The following TMEM132E variants were observed in gnomAD, a reference collection of about 807,000 sequenced individuals.
TMEM132E encodes transmembrane protein 132E.
In TMEM132E, 49 loss-of-function variants were observed where a neutral mutation model predicts 78.5. That is an observed-to-expected ratio of 0.62 (90% CI 0.50 to 0.79). The LOEUF is 0.79. Among genes scored for constraint, TMEM132E ranks in the 30% least tolerant of loss-of-function variants. The probability of loss-of-function intolerance (pLI) is 0.00; values close to 1 mark genes in which losing one functional copy is unlikely to be tolerated. For synonymous variants in TMEM132E, 715 were observed against 670.6 expected, an observed-to-expected ratio of 1.07 and a Z score of -1.02; for missense variants, 1,403 against 1,470.9, an observed-to-expected ratio of 0.95 and a Z score of 0.75.
Position 34,580,887 on chromosome 17 carries a change from G to C in TMEM132E, c.-190G>C. ...AGCTGCGCCCCCACCGGCTCCGAGG[G>C]TGTAGCCGCCAGCGCCTGGGACGCC... On this transcript the variant is annotated 5_prime_UTR_variant, in exon 1 of 9. Coordinates refer to ENST00000631683, the MANE Select transcript of TMEM132E (RefSeq NM_001304438.2). 2.1e-6 allele frequency: 1 copy of C among 467,924 alleles called. No individual in the cohort carries two copies. The highest frequency in any genetic ancestry group is 3.8e-6 in the Non-Finnish European group (1 of 264,350). The allele number at this position is 467,924 out of a possible 1,614,324, so 29.0% of individuals were successfully genotyped here.
intron 1 of TMEM132E, among the ~76,000 whole-genome samples, chr17:34,585,626 T>A (rs60628876): frequency 0.09 from 13,692 of 152,240 alleles, 710 homozygotes; most frequent in South Asian, 0.23. Context: ...CAAATGGGGC[T>A]GTCTGCCCCA....
intron 1 of TMEM132E, among the ~76,000 whole-genome samples, chr17:34,607,343 G>A (rs892187509): frequency 6.6e-6 from 1 of 152,226 alleles, no homozygotes; most frequent in Non-Finnish European, 1.5e-5. Context: ...ACGTGCTCAG[G>A]CAGAGAAGGA....
intron 1 of TMEM132E, among the ~76,000 whole-genome samples, chr17:34,623,670 G>A (rs1052511480): frequency 6.6e-6 from 1 of 152,216 alleles, no homozygotes; most frequent in Admixed American, 6.5e-5. Flanking sequence ...CAACTTTAGA[G>A]GTGGAAATGG....
intron 1 of TMEM132E, among the ~76,000 whole-genome samples, chr17:34,591,615 T>G (rs72817882): frequency 0.014 from 2,126 of 152,338 alleles, 24 homozygotes; most frequent in Non-Finnish European, 0.021. Context: ...CCAGGCTTCC[T>G]CACTATTTTT....
chr17:34,626,069 G>T, intron 1 of TMEM132E, 58 bp from the exon 2 acceptor site: 10 of 1,413,214 alleles, frequency 7.1e-6, no homozygotes, highest in Non-Finnish European at 9.3e-6. Context: ...GGGCACCCTG[G>T]GGTCCCAGCG....
chr17:34,628,708 A>C lies in TMEM132E; in HGVS notation c.1144A>C (p.Arg382=). The C allele has an allele frequency of 6.3e-7, 1 of 1,590,150 alleles. No homozygotes were observed. Among genetic ancestry groups the C allele is most frequent in the South Asian group, 1.1e-5 (1 of 88,720 alleles). ...AWAQSTPLPP[R]EGQGPLEILQ... ...GGCTCAGAGCACACCCCTGCCCCCC[A>C]GGTGAGCCCGAGGTGGTGCATCTAC... is the stretch of plus-strand genomic sequence containing the variant. The change falls in exon 3 of 9, where the codon AGG becomes CGG. Residue 382 remains arginine (R), a splice_region_variant and synonymous_variant. Transcript: ENST00000631683.
chr17:34,637,474 G>A lies in TMEM132E; in HGVS notation c.2467G>A (p.Asp823Asn). The A allele has an allele frequency of 6.2e-7, 1 of 1,612,046 alleles. No individual in the cohort carries two copies. Among genetic ancestry groups the A allele is most frequent in the Non-Finnish European group, 8.5e-7 (1 of 1,179,628 alleles). The change falls in exon 9 of 9, where the codon GAC becomes AAC. Residue 823 changes from aspartate to asparagine, a missense_variant. Asp to Asn is a conservative substitution (Grantham distance 23, BLOSUM62 1). Around this residue, in one of 3 missense-constraint regions of TMEM132E, gnomAD observed 888 missense variants for 952.8 expected, o/e 0.93. Coordinates refer to ENST00000631683, the MANE Select transcript of TMEM132E (RefSeq NM_001304438.2). ...GAGGGACGAGGAGGACCCCACTTAT[G>A]ACTACCCGGGCCCCAGCCAACCAGG... is the stretch of plus-strand genomic sequence containing the variant. ...FGRDEEDPTY[D>N]YPGPSQPGPG...
At chr17:34,615,030 C>T (rs1356981957) in intron 1 of TMEM132E, among the ~76,000 whole-genome samples, 2 of 152,182 alleles carry the variant, frequency 1.3e-5, no homozygotes, top group Non-Finnish European at 2.9e-5. Flanking sequence ...CTCCAGGGGC[C>T]AGAGGAAGGT....
At chr17:34,619,573 G>T (rs996166824) in intron 1 of TMEM132E, among the ~76,000 whole-genome samples, 2 of 151,710 alleles carry the variant, frequency 1.3e-5, no homozygotes, top group Non-Finnish European at 2.9e-5. Context: ...CTGGGTACTT[G>T]TCACCATTAA....
Position 34,581,072 on chromosome 17 carries a change from C to T in TMEM132E, c.-5C>T. 6.5e-7 allele frequency: 1 copy of T among 1,548,514 alleles called. No homozygotes were observed. The highest frequency in any genetic ancestry group is 8.7e-7 in the Non-Finnish European group (1 of 1,154,492). ...TCTCGGACCCCTCCCGCCCCCGCCTCGGCCATGGCCCCGGGGATGTCGGGC... is the reference window on the plus strand; with the variant it reads ...TCTCGGACCCCTCCCGCCCCCGCCTTGGCCATGGCCCCGGGGATGTCGGGC... On this transcript the variant is annotated 5_prime_UTR_variant, in exon 1 of 9. Coordinates refer to ENST00000631683, the MANE Select transcript of TMEM132E (RefSeq NM_001304438.2).
chr17:34,637,187 T>C lies in TMEM132E; in HGVS notation c.2180T>C (p.Leu727Pro). 1 of 1,601,234 alleles carries C rather than the reference T, an allele frequency of 6.2e-7. No homozygotes were observed. Among genetic ancestry groups the C allele is most frequent in the Non-Finnish European group, 8.5e-7 (1 of 1,170,302 alleles). ...TLSFLKQEAL[L>P]SLWLSYSDGT... ...CTCCTTCTCCTCCAGGAAGCCCTAC[T>C]GAGCCTCTGGCTCTCCTACAGTGAT... The change falls in exon 9 of 9, where the codon CTG (leucine) becomes CCG (proline). Residue 727 changes from leucine (L) to proline (P), a missense_variant. Transcript: ENST00000631683.
intron 1 of TMEM132E, among the ~76,000 whole-genome samples, chr17:34,621,763 C>T (rs534586785): frequency 1.3e-5 from 2 of 152,206 alleles, no homozygotes; most frequent in South Asian, 2.1e-4. Context: ...ACCAGGCCCA[C>T]GGAATTGTTA....
intron 1 of TMEM132E, chr17:34,614,291 A>T (rs144023295): frequency 7.2e-5 from 11 of 152,312 alleles, no homozygotes; most frequent in African/African-American, 2.7e-4. Flanking sequence ...CCCTATTCCT[A>T]CATCCCTGAG....
At chr17:34,628,524 C>T in intron 2 of TMEM132E, 39 bp from the exon 3 acceptor site, 1 of 1,611,326 alleles carries the variant, frequency 6.2e-7, no homozygotes, top group South Asian at 1.1e-5. Context: ...TGGGCTGTAG[C>T]CTGACCCTCT....
intron 1 of TMEM132E, among the ~76,000 whole-genome samples, chr17:34,596,687 T>C (rs1367148146): frequency 2.0e-5 from 3 of 151,942 alleles, no homozygotes; most frequent in Non-Finnish European, 4.4e-5. Context: ...CCCTGATGTG[T>C]GGGACAGAAC....
chr17:34,589,763 A>T (rs376326909), intron 1 of TMEM132E, among the ~76,000 whole-genome samples: 1 of 152,286 alleles, frequency 6.6e-6, no homozygotes, highest in African/African-American at 2.4e-5. Context: ...CTGCCACCGC[A>T]TGACGGCTGC....
At chr17:34,594,455 C>T (rs888576695) in intron 1 of TMEM132E, among the ~76,000 whole-genome samples, 3 of 152,178 alleles carry the variant, frequency 2.0e-5, no homozygotes, top group South Asian at 2.1e-4. Context: ...TCCGTTTCCA[C>T]GTTTATAAAA....
rs147570260 is a variant in TMEM132E at position 34,637,307 on chromosome 17, G to A, written c.2300G>A (p.Arg767Gln). The change falls in exon 9 of 9, where the codon CGG becomes CAG. Residue 767 changes from arginine (R) to glutamine (Q), a missense_variant. Around this residue, in one of 3 missense-constraint regions of TMEM132E, gnomAD observed 888 missense variants for 952.8 expected, o/e 0.93. Coordinates refer to ENST00000631683, the MANE Select transcript of TMEM132E (RefSeq NM_001304438.2). Reference sequence around the variant, plus strand: ...CATGTGGCCACTGTGACCCAGGACCGGGCCTTCCCTCTGGTAGTGGCTGAG... The same window carrying A: ...CATGTGGCCACTGTGACCCAGGACCAGGCCTTCCCTCTGGTAGTGGCTGAG... Reference protein sequence around the residue: ...DEHVATVTQDRAFPLVVAEAE... With the variant: ...DEHVATVTQDQAFPLVVAEAE... 287 of 1,614,154 alleles carry A rather than the reference G, an allele frequency of 1.8e-4. 1 individual carries two copies. The African/African-American group carries it at 3.5e-3, about 20-fold the overall frequency.
At chr17:34,586,272 A>G (rs987997422) in intron 1 of TMEM132E, among the ~76,000 whole-genome samples, 2 of 144,648 alleles carry the variant, frequency 1.4e-5, no homozygotes, top group African/African-American at 5.6e-5. Context: ...TAAGAGATTA[A>G]TGAACCAGTT....
Sources: gnomAD v4.1 joint callset for allele counts (sites outside exome capture counted in the v4.1 genomes callset) on GRCh38, gnomAD v4.1.1 for gene constraint, gnomAD v4.1.1 regional missense constraint, MANE v1.5 for transcripts, NCBI Gene and HGNC (gene_info 2026-07-23, HGNC 2026-07-21) for gene names.